Variants in ZNF577 observed in about 807,000 individuals in gnomAD.
ZNF577 encodes the protein zinc finger protein 577.
In ZNF577, 14 loss-of-function variants were observed where a neutral mutation model predicts 13.9. That is an observed-to-expected ratio of 1.00 (90% CI 0.66 to 1.57). The LOEUF (loss-of-function observed/expected upper bound fraction) is 1.57. Among genes scored for constraint, ZNF577 ranks in the 40% most tolerant of loss-of-function variants. The pLI is 0.00. For synonymous variants in ZNF577, 203 were observed against 202.9 expected, an observed-to-expected ratio of 1.00 and a Z score of 0.00; for missense variants, 555 against 579.2, an observed-to-expected ratio of 0.96 and a Z score of 0.43.
At chr19:51,830,554 A>C (rs2084256548) in intron 9 of ZNF577, among the ~76,000 whole-genome samples, 1 of 152,248 alleles carries the variant, frequency 6.6e-6, no homozygotes, top group South Asian at 2.1e-4. Context: ...CTTGCCTATG[A>C]ATCCAATGGA....
intron 5 of ZNF577, among the ~76,000 whole-genome samples, chr19:51,854,516 T>TTTA (rs1273500747): frequency 1.1e-4 from 17 of 149,566 alleles, no homozygotes; most frequent in African/African-American, 4.0e-4. Flanking sequence ...TTTTTTTTTT[T>TTTA]AGAGATGGGG....
intron 10 of ZNF577, among the ~76,000 whole-genome samples, chr19:51,806,925 G>A (rs1031025925): frequency 6.6e-6 from 1 of 152,218 alleles, no homozygotes; most frequent in African/African-American, 2.4e-5. Flanking sequence ...GTAAAGATGT[G>A]TAAGTTGATA....
Position 51,873,246 on chromosome 19 carries a change from T to C in ZNF577, c.744A>G (p.Gly248=). The change falls in exon 6 of 6, where the codon GGA becomes GGG. Residue 248 remains glycine (G), a synonymous_variant. Coordinates refer to ENST00000638348, the MANE Select transcript of ZNF577 (RefSeq NM_001370449.1). ...GCCGGCACTTCCGGCTGAAGGCTTT[T>C]CCGCATTTGCTGCATCTGTAGGGTT... ...GEKPYRCSKC[G]KAFSRKCRLN... 6.2e-7 allele frequency: 1 copy of C among 1,613,098 alleles called. No homozygotes were observed. Among genetic ancestry groups the C allele is most frequent in the Non-Finnish European group, 8.5e-7 (1 of 1,179,142 alleles).
At chr19:51,847,663 C>T (rs531016282) in intron 5 of ZNF577, among the ~76,000 whole-genome samples, 6 of 152,248 alleles carry the variant, frequency 3.9e-5, no homozygotes, top group Admixed American at 6.5e-5. Context: ...CTGATGCCGG[C>T]CCTAAAAGCC....
intron 1 of ZNF577, among the ~76,000 whole-genome samples, chr19:51,884,644 T>TAA (rs979227750): frequency 1.4e-5 from 2 of 144,512 alleles, no homozygotes; most frequent in African/African-American, 5.0e-5. Flanking sequence ...ATCAATAGAA[T>TAA]AAAAAAAAAA....
intron 5 of ZNF577, among the ~76,000 whole-genome samples, chr19:51,847,319 G>C (rs1295426497): frequency 1.3e-5 from 2 of 152,028 alleles, no homozygotes; most frequent in African/African-American, 2.4e-5. Flanking sequence ...TACAGCTGAG[G>C]CCTCCTTATG....
downstream of ZNF577, chr19:51,863,350 GA>G (rs2084524671): frequency 6.6e-6 from 1 of 152,194 alleles, no homozygotes; most frequent in Non-Finnish European, 1.5e-5. Flanking sequence ...AAGAGGTCCA[GA>G]AAAAGGCTTC....
chr19:51,865,522 C>A (rs8107422), downstream of ZNF577, among the ~76,000 whole-genome samples: 40,852 of 152,098 alleles, frequency 0.27, 7,766 homozygotes, highest in African/African-American at 0.53. Flanking sequence ...AAAAATCAGG[C>A]CAAATATCCT....
chr19:51,830,658 A>C (rs1253859255), intron 9 of ZNF577, among the ~76,000 whole-genome samples: 1 of 152,178 alleles, frequency 6.6e-6, no homozygotes, highest in East Asian at 1.9e-4. Context: ...TTTATTTTAA[A>C]ATATATAATT....
intron 9 of ZNF577, among the ~76,000 whole-genome samples, chr19:51,838,102 A>AT (rs1352947200): frequency 6.6e-6 from 1 of 152,242 alleles, no homozygotes; most frequent in Non-Finnish European, 1.5e-5. Context: ...GAGCTAAAAC[A>AT]TGAGTGTTGT....
At position 51,869,253 on chromosome 19, in the gene ZNF577, C is replaced by T. The variant is rs2084615757; in HGVS notation, c.*3279G>A. Among the ~76,000 whole-genome samples, 1 of 152,198 alleles carries T rather than the reference C, an allele frequency of 6.6e-6. No individual in the cohort carries two copies. The highest frequency in any genetic ancestry group is 1.5e-5 in the Non-Finnish European group (1 of 68,036). ...TGTCTTGGTGTGAAACCCAATCGTA[C>T]ATTCTATTTGCTGAGATAGGAGAAA... On this transcript the variant is annotated 3_prime_UTR_variant, in exon 6 of 6. Coordinates refer to ENST00000638348, the MANE Select transcript of ZNF577 (RefSeq NM_001370449.1).
intron 9 of ZNF577, among the ~76,000 whole-genome samples, chr19:51,834,303 C>T (rs1470833267): frequency 6.6e-6 from 1 of 152,146 alleles, no homozygotes; most frequent in Non-Finnish European, 1.5e-5. Context: ...CAGGCAAACT[C>T]CTGGCCTCAA....
chr19:51,827,855 C>A (rs943998027), intron 9 of ZNF577, among the ~76,000 whole-genome samples: 2 of 152,180 alleles, frequency 1.3e-5, no homozygotes, highest in Non-Finnish European at 2.9e-5. Context: ...AAAGACACCA[C>A]TCAACATGAA....
chr19:51,883,226 T>C (rs1308154514), intron 1 of ZNF577, among the ~76,000 whole-genome samples: 1 of 151,824 alleles, frequency 6.6e-6, no homozygotes, highest in Non-Finnish European at 1.5e-5. Context: ...CTCCTGACCT[T>C]GTGATCCACC....
chr19:51,813,756 G>A (rs183714758), intron 9 of ZNF577, among the ~76,000 whole-genome samples: 2 of 152,052 alleles, frequency 1.3e-5, no homozygotes, highest in Admixed American at 6.5e-5. Flanking sequence ...GGATGGACTC[G>A]ATCTCCTGAC....
chr19:51,850,585 TG>T (rs2084374679), intron 5 of ZNF577, among the ~76,000 whole-genome samples: 1 of 152,232 alleles, frequency 6.6e-6, no homozygotes. Context: ...ATACTGTACC[TG>T]TGGGTATAAT....
intron 5 of ZNF577, among the ~76,000 whole-genome samples, chr19:51,876,337 T>G (rs1248174237): frequency 1.3e-5 from 2 of 151,782 alleles, no homozygotes; most frequent in Non-Finnish European, 2.9e-5. Context: ...CGCAGCGGGT[T>G]AGAGTGCAGA....
chr19:51,878,779 A>C, intron 3 of ZNF577: 1 of 320,152 alleles, frequency 3.1e-6, no homozygotes, highest in Non-Finnish European at 5.9e-6. Flanking sequence ...AATAATCTAA[A>C]TGTCTATCAA....
chr19:51,857,007 A>G lies in ZNF577; in HGVS notation c.284-12076T>C, dbSNP rs1183564140. On this transcript the variant is annotated intron_variant and NMD_transcript_variant, in intron 5 of 10. Transcript: ENST00000638827. The stretch of plus-strand genomic sequence containing the variant: ...GCTCCAACCATGAGTCCATGAAGAC[A>G]ACATCTGGGAAAGTCAAGAGAAATG... 2.6e-5 allele frequency among the ~76,000 whole-genome samples: 4 copies of G among 152,194 alleles called. No homozygotes were observed. The South Asian group carries it at 8.3e-4, about 32-fold the overall frequency.
Sources: gnomAD v4.1 joint callset for allele counts (sites outside exome capture counted in the v4.1 genomes callset) on GRCh38, gnomAD v4.1.1 for gene constraint, MANE v1.5 for transcripts, NCBI Gene and HGNC (gene_info 2026-07-23, HGNC 2026-07-21) for gene names.